The following NRP2 variants were observed in gnomAD, a reference collection of about 807,000 sequenced individuals.
The protein encoded by NRP2 is neuropilin-2.
Under a neutral mutation model 110.4 loss-of-function variants are expected in NRP2, and 52 were observed. The ratio of observed to expected loss-of-function variants is 0.47; its 90% CI spans 0.38 to 0.59. NRP2 has a LOEUF of 0.59. NRP2 is among the 20% of genes least tolerant of loss of function. NRP2 has a pLI of 0.00. For synonymous variants in NRP2, 508 were observed against 468.9 expected (o/e 1.08, Z -1.08); for missense variants, 1,049 against 1,203.0 (o/e 0.87, Z 1.89).
intron 7 of NRP2, among the ~76,000 whole-genome samples, chr2:205,729,412 C>T (rs1333057061): frequency 3.3e-5 from 5 of 152,198 alleles, no homozygotes; most frequent in South Asian, 2.1e-4. Context: ...ACCAAGCATC[C>T]GTTGGGAATG....
At chr2:205,710,393 G>A (rs1341101351) in intron 2 of NRP2, among the ~76,000 whole-genome samples, 1 of 152,198 alleles carries the variant, frequency 6.6e-6, no homozygotes. Context: ...GGCCTGGTTT[G>A]GATGAAATGA....
rs977620421 is a variant in NRP2 at position 205,684,967 on chromosome 2, C to T, written c.73+1604C>T. 6.6e-5 allele frequency among the ~76,000 whole-genome samples: 10 copies of T among 152,346 alleles called. No individual in the cohort carries two copies. The East Asian group carries it at 1.9e-3, about 30-fold the overall frequency. On this transcript the variant is annotated intron_variant, in intron 1 of 16. Coordinates refer to ENST00000357785, the MANE Select transcript of NRP2 (RefSeq NM_003872.3). ...GCGCGCGAGCGCGCACACACTGGCA[C>T]TCACACTGGCGCGCACACACATGCA...
chr2:205,688,520 G>C (rs2056228557), intron 1 of NRP2, among the ~76,000 whole-genome samples: 1 of 152,320 alleles, frequency 6.6e-6, no homozygotes, highest in African/African-American at 2.4e-5. Context: ...CAGTGGAGTA[G>C]GATTCCAGGA....
At chr2:205,694,448 G>C (rs1346461068) in intron 1 of NRP2, among the ~76,000 whole-genome samples, 3 of 152,180 alleles carry the variant, frequency 2.0e-5, no homozygotes, top group Non-Finnish European at 4.4e-5. Flanking sequence ...CCTGGATTTT[G>C]CTATCTCTCT....
intron 12 of NRP2, among the ~76,000 whole-genome samples, chr2:205,758,814 G>A (rs1000292658): frequency 6.6e-6 from 1 of 152,112 alleles, no homozygotes; most frequent in Admixed American, 6.5e-5. Context: ...TCAGCTACAA[G>A]AACAGGCAGG....
chr2:205,766,996 CTG>C, intron 15 of NRP2, 193 bp downstream of exon 15: 1 of 627,520 alleles, frequency 1.6e-6, no homozygotes, highest in Non-Finnish European at 2.8e-6. Flanking sequence ...GAGAGCCTCA[CTG>C]TCTCTTGTTT....
At chr2:205,745,920 T>A in intron 10 of NRP2, 30 bp downstream of exon 10, 1 of 1,613,318 alleles carries the variant, frequency 6.2e-7, no homozygotes, top group Non-Finnish European at 8.5e-7. Context: ...TCTTTGCATC[T>A]CACCCACATG....
chr2:205,773,797 G>A (rs1411463983), intron 15 of NRP2, among the ~76,000 whole-genome samples: 1 of 152,228 alleles, frequency 6.6e-6, no homozygotes, highest in East Asian at 1.9e-4. Flanking sequence ...TTGGCTGAAG[G>A]AAAGCAGACT....
chr2:205,703,187 G>A (rs2056598940), intron 2 of NRP2, among the ~76,000 whole-genome samples: 1 of 152,210 alleles, frequency 6.6e-6, no homozygotes, highest in Non-Finnish European at 1.5e-5. Flanking sequence ...ACAGATCTGT[G>A]TTCCCTATTT....
intron 15 of NRP2, chr2:205,776,055 G>T: frequency 1.3e-6 from 1 of 743,886 alleles, no homozygotes; most frequent in East Asian, 2.5e-5. Context: ...CCTCCCAAGG[G>T]GGTAAGTAGG....
intron 1 of NRP2, among the ~76,000 whole-genome samples, chr2:205,693,829 T>A (rs2105878880): frequency 6.6e-6 from 1 of 152,302 alleles, no homozygotes; most frequent in South Asian, 2.1e-4. Context: ...AAGCGAGGGA[T>A]CTGATTGGTC....
chr2:205,692,120 C>T (rs2056326343), intron 1 of NRP2, among the ~76,000 whole-genome samples: 1 of 152,186 alleles, frequency 6.6e-6, no homozygotes, highest in South Asian at 2.1e-4. Context: ...TCTCTCCTTC[C>T]CTCCTAGATG....
At chr2:205,722,440 ATCT>A (rs1400646203) in intron 3 of NRP2, 35 bp from the exon 4 acceptor site, 5 of 1,510,758 alleles carry the variant, frequency 3.3e-6, no homozygotes, top group Admixed American at 1.7e-5. Context: ...AAAGAAAGGC[ATCT>A]TCTTCTTAGT....
chr2:205,772,148 T>C (rs2058032849), intron 15 of NRP2, among the ~76,000 whole-genome samples: 1 of 152,220 alleles, frequency 6.6e-6, no homozygotes, highest in Non-Finnish European at 1.5e-5. Context: ...TCACTTGTCC[T>C]CTCAAGTACT....
chr2:205,781,655 G>C (rs977473939), intron 15 of NRP2, among the ~76,000 whole-genome samples: 1 of 152,168 alleles, frequency 6.6e-6, no homozygotes, highest in Non-Finnish European at 1.5e-5. Flanking sequence ...GTAGGTGAAG[G>C]CTTGTTTTTT....
chr2:205,716,753 A>G (rs2056905544), intron 3 of NRP2, among the ~76,000 whole-genome samples: 2 of 152,204 alleles, frequency 1.3e-5, no homozygotes, highest in African/African-American at 2.4e-5. Context: ...TGATGTCTTT[A>G]TTTGGAACTA....
intron 15 of NRP2, among the ~76,000 whole-genome samples, chr2:205,787,184 C>CT (rs752133860): frequency 6.6e-5 from 10 of 152,162 alleles, no homozygotes; most frequent in Non-Finnish European, 1.3e-4. Context: ...GGTCAAGGCT[C>CT]TGACACCTGA....
Position 205,752,882 on chromosome 2 carries a change from C to T in NRP2, c.1951C>T (p.Leu651Phe). Residue 651 changes from leucine to phenylalanine, a missense_variant, in exon 12 of 17, where the codon CTC becomes TTC. Physicochemically the swap from Leu to Phe is conservative, Grantham distance 22 (BLOSUM62 0). Coordinates refer to ENST00000357785, the MANE Select transcript of NRP2 (RefSeq NM_003872.3). ...GGGATTCAATTGCAACTTCGATTTC[C>T]TCGAGGAGCCCTGTGGTTGGATGTA... ...PSGFNCNFDF[L>F]EEPCGWMYDH... 1 of 1,614,208 alleles carries T rather than the reference C, an allele frequency of 6.2e-7. No homozygotes were observed. Among genetic ancestry groups the T allele is most frequent in the African/African-American group, 1.3e-5 (1 of 75,046 alleles).
chr2:205,693,222 G>A (rs1402133763), intron 1 of NRP2, among the ~76,000 whole-genome samples: 1 of 152,162 alleles, frequency 6.6e-6, no homozygotes, highest in Non-Finnish European at 1.5e-5. Context: ...AAATGAGACC[G>A]ATTGCTTTTC....
Sources: gnomAD v4.1 joint callset for allele counts (sites outside exome capture counted in the v4.1 genomes callset) on GRCh38, gnomAD v4.1.1 for gene constraint, MANE v1.5 for transcripts, NCBI Gene and HGNC (gene_info 2026-07-23, HGNC 2026-07-21) for gene names.